The following RAPGEF4 variants were observed in gnomAD, a reference collection of about 807,000 sequenced individuals.
RAPGEF4 encodes Rap guanine nucleotide exchange factor 4, also known as RAP guanine-nucleotide-exchange factor (GEF) 4.
In RAPGEF4, 66 loss-of-function variants were observed where a neutral mutation model predicts 147.9. The ratio of observed to expected loss-of-function variants is 0.45; its 90% CI spans 0.37 to 0.55. The LOEUF is 0.55. Ranked by LOEUF, RAPGEF4 falls within the 20% of genes least tolerant of loss-of-function variation. The pLI, the probability that RAPGEF4 is intolerant of heterozygous loss-of-function variation, is 0.00. For synonymous variants in RAPGEF4, 419 were observed against 442.7 expected (o/e 0.95, Z 0.67); for missense variants, 1,071 against 1,257.3 (o/e 0.85, Z 2.24).
intron 4 of RAPGEF4, among the ~76,000 whole-genome samples, chr2:172,822,722 A>G (rs995124812): frequency 6.6e-6 from 1 of 152,148 alleles, no homozygotes; most frequent in Non-Finnish European, 1.5e-5. Flanking sequence ...CTGTTAAACT[A>G]GTTTCCGAAA....
intron 6 of RAPGEF4, among the ~76,000 whole-genome samples, chr2:172,944,711 C>T (rs1480714514): frequency 1.3e-5 from 2 of 152,266 alleles, no homozygotes; most frequent in South Asian, 4.2e-4. Flanking sequence ...GAACATTTCC[C>T]CTTTCTCGAA....
intron 4 of RAPGEF4, among the ~76,000 whole-genome samples, chr2:172,904,602 A>G (rs1347339202): frequency 6.6e-6 from 1 of 152,190 alleles, no homozygotes; most frequent in Non-Finnish European, 1.5e-5. Context: ...TGAAAGGCAC[A>G]AATGGGTTGA....
chr2:172,998,413 G>A (rs1399667927), intron 16 of RAPGEF4, among the ~76,000 whole-genome samples: 28 of 152,180 alleles, frequency 1.8e-4, no homozygotes, highest in Admixed American at 1.8e-3. Flanking sequence ...AGATCTTAGA[G>A]AGTCTTAAAT....
intron 3 of RAPGEF4, among the ~76,000 whole-genome samples, chr2:172,802,694 A>G (rs560242796): frequency 1.3e-5 from 2 of 152,350 alleles, no homozygotes; most frequent in East Asian, 1.9e-4. Context: ...TCATTTCAGC[A>G]TCAACTCAAA....
chr2:172,943,317 T>G (rs1382647099), intron 6 of RAPGEF4, among the ~76,000 whole-genome samples: 1 of 152,118 alleles, frequency 6.6e-6, no homozygotes, highest in Non-Finnish European at 1.5e-5. Context: ...TTTTAGAGAA[T>G]TGCCTTTACT....
intron 6 of RAPGEF4, among the ~76,000 whole-genome samples, chr2:172,929,809 G>A (rs1044698162): frequency 6.6e-6 from 1 of 152,202 alleles, no homozygotes; most frequent in Non-Finnish European, 1.5e-5. Context: ...TCAGGGTAGT[G>A]TGGCCTCAGG....
chr2:172,894,409 A>C (rs763391976), intron 4 of RAPGEF4: 4 of 152,230 alleles, frequency 2.6e-5, no homozygotes, highest in Non-Finnish European at 4.4e-5. Context: ...ATGGCTTCCA[A>C]ATTTTAAACT....
At chr2:172,867,839 A>G (rs1694809477) in intron 4 of RAPGEF4, among the ~76,000 whole-genome samples, 1 of 152,246 alleles carries the variant, frequency 6.6e-6, no homozygotes, top group Non-Finnish European at 1.5e-5. Context: ...TTTGAGCCCT[A>G]ATTACATTTT....
At chr2:172,809,391 C>G (rs1255904358) in intron 3 of RAPGEF4, among the ~76,000 whole-genome samples, 1 of 152,116 alleles carries the variant, frequency 6.6e-6, no homozygotes, top group Non-Finnish European at 1.5e-5. Flanking sequence ...GATACTGTCA[C>G]TTTGAGAAGA....
At chr2:173,022,816 G>T (rs1696240497) in intron 23 of RAPGEF4, among the ~76,000 whole-genome samples, 1 of 152,138 alleles carries the variant, frequency 6.6e-6, no homozygotes, top group Non-Finnish European at 1.5e-5. Flanking sequence ...AGTGGTTAAG[G>T]GTTCAGATTC....
intron 4 of RAPGEF4, among the ~76,000 whole-genome samples, chr2:172,869,964 G>A (rs947732576): frequency 5.9e-5 from 9 of 152,220 alleles, no homozygotes; most frequent in South Asian, 2.1e-4. Flanking sequence ...GACATCCTAC[G>A]GGTGAACTCC....
Position 172,875,073 on chromosome 2 carries a change from T to C in RAPGEF4, c.445-42729T>C, listed in dbSNP as rs1575105954. Among the ~76,000 whole-genome samples, 3 of 152,352 alleles carry C rather than the reference T, an allele frequency of 2.0e-5. No homozygotes were observed. The South Asian group carries it at 6.2e-4, about 32-fold the overall frequency. ...TTGAGAAGTGTCTGTTCACATCCTTTGCCCACTTTTTGATGGGGTTGTTTG... is the reference window on the plus strand; with the variant it reads ...TTGAGAAGTGTCTGTTCACATCCTTCGCCCACTTTTTGATGGGGTTGTTTG... On this transcript the variant is annotated intron_variant, in intron 4 of 30. Coordinates refer to ENST00000397081, the MANE Select transcript of RAPGEF4 (RefSeq NM_007023.4).
At chr2:172,808,666 A>G (rs1316077530) in intron 3 of RAPGEF4, among the ~76,000 whole-genome samples, 1 of 152,196 alleles carries the variant, frequency 6.6e-6, no homozygotes, top group Non-Finnish European at 1.5e-5. Context: ...GTATTACTTT[A>G]TTTTGATTTA....
chr2:172,838,242 C>A (rs1013050822), intron 4 of RAPGEF4, among the ~76,000 whole-genome samples: 3 of 152,024 alleles, frequency 2.0e-5, no homozygotes, highest in African/African-American at 7.3e-5. Flanking sequence ...CTGTGGATAT[C>A]ATGACGTGAA....
At chr2:172,793,095 C>T (rs1045726644) in intron 1 of RAPGEF4, among the ~76,000 whole-genome samples, 2 of 152,204 alleles carry the variant, frequency 1.3e-5, no homozygotes, top group African/African-American at 4.8e-5. Flanking sequence ...CTAGCTTTTG[C>T]AGGTTGCCAG....
chr2:173,030,544 C>T (rs984375076), intron 26 of RAPGEF4, among the ~76,000 whole-genome samples: 19 of 152,094 alleles, frequency 1.2e-4, no homozygotes, highest in African/African-American at 4.6e-4. Context: ...CATGAAGGAC[C>T]CACATTGCTG....
intron 3 of RAPGEF4, among the ~76,000 whole-genome samples, chr2:172,803,960 A>G (rs986161159): frequency 6.6e-6 from 1 of 152,206 alleles, no homozygotes; most frequent in African/African-American, 2.4e-5. Flanking sequence ...ATCTGAGACT[A>G]TCATGAGAAC....
At chr2:172,835,812 A>G (rs923969687) in intron 4 of RAPGEF4, among the ~76,000 whole-genome samples, 2 of 152,222 alleles carry the variant, frequency 1.3e-5, no homozygotes, top group African/African-American at 4.8e-5. Context: ...TAACCAGTAT[A>G]CATTTCCAAT....
intron 4 of RAPGEF4, among the ~76,000 whole-genome samples, chr2:172,817,356 G>T (rs2149613023): frequency 6.6e-6 from 1 of 152,220 alleles, no homozygotes; most frequent in Non-Finnish European, 1.5e-5. Context: ...GCGCTAATCT[G>T]CTTGCAAAAT....
Sources: gnomAD v4.1 joint callset for allele counts (sites outside exome capture counted in the v4.1 genomes callset) on GRCh38, gnomAD v4.1.1 for gene constraint, MANE v1.5 for transcripts, NCBI Gene and HGNC (gene_info 2026-07-23, HGNC 2026-07-21) for gene names.